Variants in RPIA observed in about 807,000 individuals in gnomAD.
The protein encoded by RPIA is ribose 5-phosphate isomerase A, also known as ribose-5-phosphate isomerase.
In RPIA, 29 loss-of-function variants were observed where a neutral mutation model predicts 37.8. The observed-to-expected ratio is 0.77, with a 90% CI of 0.57 to 1.05. The LOEUF (loss-of-function observed/expected upper bound fraction) is 1.05, where lower values mean the gene tolerates loss of function less well. Among genes scored for constraint, RPIA ranks in the 50% least tolerant of loss-of-function variants. The pLI is 0.00. For synonymous variants in RPIA, 167 were observed against 157.0 expected (o/e 1.06, Z -0.48); for missense variants, 385 against 413.6 (o/e 0.93, Z 0.60).
At chr2:88,710,429 A>AT (rs1280468303) in intron 3 of RPIA, among the ~76,000 whole-genome samples, 2 of 152,066 alleles carry the variant, frequency 1.3e-5, no homozygotes, top group Admixed American at 6.5e-5. Flanking sequence ...ACATGAGACG[A>AT]TTTTTTCAGT....
intron 8 of RPIA, among the ~76,000 whole-genome samples, chr2:88,749,578 A>G (rs1673477715): frequency 6.6e-6 from 1 of 152,220 alleles, no homozygotes; most frequent in Admixed American, 6.5e-5. Context: ...GATTGAAAAT[A>G]ACTGGTAGTG....
intron 8 of RPIA, among the ~76,000 whole-genome samples, chr2:88,738,702 G>A (rs1482870773): frequency 1.3e-5 from 2 of 152,236 alleles, no homozygotes; most frequent in African/African-American, 4.8e-5. Context: ...ATGTGAGGAT[G>A]TTCTATGGTG....
Position 88,736,690 on chromosome 2 carries a change from T to C in RPIA, c.738+14T>C, listed in dbSNP as rs186321492. 1.9e-6 allele frequency: 3 copies of C among 1,608,528 alleles called. No individual in the cohort carries two copies. The highest frequency in any genetic ancestry group is 4.5e-5 in the East Asian group (2 of 44,722). ...GTCAACAAGGCTGTGAGTGGCCTGGTTGGGCCGGGGGTGTGCTGGGTGCAC... is the reference window on the plus strand; with the variant it reads ...GTCAACAAGGCTGTGAGTGGCCTGGCTGGGCCGGGGGTGTGCTGGGTGCAC... On this transcript the variant is annotated intron_variant, in intron 7 of 8. Transcript: ENST00000283646.
intron 3 of RPIA, among the ~76,000 whole-genome samples, chr2:88,713,548 A>G (rs1672991285): frequency 6.6e-6 from 1 of 152,162 alleles, no homozygotes; most frequent in African/African-American, 2.4e-5. Flanking sequence ...GTTTTTCTCC[A>G]GCATTCTGAA....
intron 3 of RPIA, among the ~76,000 whole-genome samples, chr2:88,703,406 C>T (rs1672859050): frequency 6.6e-6 from 1 of 152,236 alleles, no homozygotes; most frequent in Non-Finnish European, 1.5e-5. Context: ...TTCCATACAT[C>T]TTCTGAAATC....
chr2:88,743,723 AT>A (rs1454401471), intron 8 of RPIA, among the ~76,000 whole-genome samples: 1 of 151,524 alleles, frequency 6.6e-6, no homozygotes, highest in Non-Finnish European at 1.5e-5. Context: ...CTTGTTATTG[AT>A]TTGTTCATAG....
At chr2:88,705,088 T>G (rs967337072) in intron 3 of RPIA, among the ~76,000 whole-genome samples, 1 of 152,122 alleles carries the variant, frequency 6.6e-6, no homozygotes, top group African/African-American at 2.4e-5. Flanking sequence ...GGGAAAACAT[T>G]CCATGCCCAT....
chr2:88,699,382 C>T (rs1174625317), intron 2 of RPIA, among the ~76,000 whole-genome samples: 1 of 151,080 alleles, frequency 6.6e-6, no homozygotes, highest in Non-Finnish European at 1.5e-5. Context: ...AATTTTAATA[C>T]GAATTTTTTC....
chr2:88,724,376 G>A (rs1471437449), intron 3 of RPIA, among the ~76,000 whole-genome samples: 2 of 151,200 alleles, frequency 1.3e-5, no homozygotes, highest in African/African-American at 4.9e-5. Context: ...GTGTGATCTC[G>A]GCTCACTTCA....
intron 3 of RPIA, among the ~76,000 whole-genome samples, chr2:88,715,505 T>C (rs1280663880): frequency 1.3e-5 from 2 of 152,244 alleles, no homozygotes; most frequent in Non-Finnish European, 2.9e-5. Context: ...ACAGTGAGGA[T>C]ACAAGTGATC....
At chr2:88,736,903 A>G (rs1030034343) in intron 7 of RPIA, among the ~76,000 whole-genome samples, 1 of 152,172 alleles carries the variant, frequency 6.6e-6, no homozygotes, top group African/African-American at 2.4e-5. Flanking sequence ...CTTTGTACAG[A>G]TAGGGGAATG....
At chr2:88,718,644 T>C (rs1277284064) in intron 3 of RPIA, among the ~76,000 whole-genome samples, 2 of 152,204 alleles carry the variant, frequency 1.3e-5, no homozygotes, top group Non-Finnish European at 2.9e-5. Context: ...GATTTCTTTA[T>C]GGAAGACACA....
Position 88,704,750 on chromosome 2 carries a change from A to G in RPIA, c.402+4686A>G, listed in dbSNP as rs563839021. On this transcript the variant is annotated intron_variant, in intron 3 of 8. Coordinates refer to ENST00000283646, the MANE Select transcript of RPIA (RefSeq NM_144563.3). ...CCATCAGGCAAGAGAAAGAAAGGGT[A>G]TTCACATAGGAAGAGAGAAAGTCAA... Among the ~76,000 whole-genome samples the G allele has an allele frequency of 4.2e-4, 64 of 152,340 alleles. No individual in the cohort carries two copies. The South Asian group carries it at 0.012, about 30-fold the overall frequency.
chr2:88,734,089 T>A (rs114647336), intron 4 of RPIA, among the ~76,000 whole-genome samples: 61 of 137,024 alleles, frequency 4.5e-4, no homozygotes, highest in African/African-American at 1.6e-3. Context: ...TCTGAATCAG[T>A]TTTTTTTTTT....
At chr2:88,733,582 G>GCA (rs1360416998) in intron 4 of RPIA, among the ~76,000 whole-genome samples, 2 of 152,130 alleles carry the variant, frequency 1.3e-5, no homozygotes, top group South Asian at 4.1e-4. Context: ...CCTGGCTCTG[G>GCA]GGTTAATGCA....
At chr2:88,743,969 T>C (rs577215281) in intron 8 of RPIA, among the ~76,000 whole-genome samples, 1 of 152,262 alleles carries the variant, frequency 6.6e-6, no homozygotes, top group African/African-American at 2.4e-5. Context: ...AGGTTTTTGT[T>C]TCATTTATCT....
chr2:88,740,811 T>C (rs984372241), intron 8 of RPIA, among the ~76,000 whole-genome samples: 1 of 152,220 alleles, frequency 6.6e-6, no homozygotes, highest in Admixed American at 6.5e-5. Flanking sequence ...TAAAGCCTTT[T>C]CTGAACCTGA....
rs1193087789 is a variant in RPIA, at chr2:88,736,701, G to T, written c.738+25G>T. On this transcript the variant is annotated intron_variant, in intron 7 of 8. Coordinates refer to ENST00000283646, the MANE Select transcript of RPIA (RefSeq NM_144563.3). ...TGTGAGTGGCCTGGTTGGGCCGGGG[G>T]TGTGCTGGGTGCACTCAGGTTTTCA... The T allele has an allele frequency of 3.1e-6, 5 of 1,600,604 alleles. No individual in the cohort carries two copies. The South Asian group carries it at 4.4e-5, about 14-fold the overall frequency.
At chr2:88,739,444 G>A (rs1041929691) in intron 8 of RPIA, among the ~76,000 whole-genome samples, 5 of 152,132 alleles carry the variant, frequency 3.3e-5, no homozygotes, top group African/African-American at 7.2e-5. Flanking sequence ...AGTTAAAACC[G>A]TGCCCATTGC....
Sources: allele counts gnomAD v4.1 joint callset (sites outside exome capture counted in the v4.1 genomes callset), GRCh38; gene constraint gnomAD v4.1.1; transcripts MANE v1.5; gene names NCBI Gene and HGNC (gene_info 2026-07-23, HGNC 2026-07-21).